The following KIF21B variants were observed in gnomAD, a reference collection of about 807,000 sequenced individuals.
KIF21B encodes the protein kinesin family member 21B.
In KIF21B, 85 loss-of-function variants were observed where a neutral mutation model predicts 192.9. The ratio of observed to expected loss-of-function variants is 0.44; its 90% CI spans 0.37 to 0.53. The LOEUF (loss-of-function observed/expected upper bound fraction) is 0.53. Ranked by LOEUF, KIF21B falls within the 20% of genes least tolerant of loss-of-function variation. KIF21B has a pLI of 0.00. For missense variants in KIF21B, 1,716 were observed against 2,194.8 expected (o/e 0.78, Z 4.36); for synonymous variants, 832 against 884.6 (o/e 0.94, Z 1.05).
intron 29 of KIF21B, 103 bp downstream of exon 29, chr1:200,980,857 T>G (rs1335987229): frequency 1.4e-6 from 2 of 1,437,208 alleles, no homozygotes; most frequent in African/African-American, 2.9e-5. Flanking sequence ...CCTCAACTCC[T>G]GGGGGCTCTA....
intron 1 of KIF21B, among the ~76,000 whole-genome samples, chr1:201,021,284 C>T (rs564292669): frequency 2.8e-4 from 43 of 152,364 alleles, no homozygotes; most frequent in South Asian, 1.4e-3. Flanking sequence ...TGTACACGGC[C>T]GGCTGCCCAT....
intron 30 of KIF21B, among the ~76,000 whole-genome samples, chr1:200,977,974 T>C (rs1175720261): frequency 6.6e-6 from 1 of 151,994 alleles, no homozygotes; most frequent in Non-Finnish European, 1.5e-5. Flanking sequence ...CCTCAGGTGA[T>C]TTGCCTGCCT....
intron 29 of KIF21B, 55 bp from the exon 30 acceptor site, chr1:200,979,770 G>T: frequency 7.0e-7 from 1 of 1,432,998 alleles, no homozygotes; most frequent in Non-Finnish European, 9.3e-7. Flanking sequence ...CCACTAGGGG[G>T]CGCAGCTCCA....
chr1:200,998,595 C>G lies in KIF21B; in HGVS notation c.1886-20G>C. On this transcript the variant is annotated intron_variant, in intron 13 of 34. Coordinates refer to ENST00000461742, the MANE Select transcript of KIF21B (RefSeq NM_001252102.2). The surrounding 1 kb of genome is among the most constrained non-coding windows in gnomAD (Gnocchi z 4.3). ...TCACCTCTATGGGGGCACAATCAGG[C>G]TCAGCCCAGCGTTAGGGCGAGGGGC... 6.2e-7 allele frequency: 1 copy of G among 1,609,632 alleles called. No homozygotes were observed. The highest frequency in any genetic ancestry group is 8.5e-7 in the Non-Finnish European group (1 of 1,177,422).
intron 3 of KIF21B, 146 bp downstream of exon 3, chr1:201,008,623 G>A (rs908368789): frequency 1.3e-6 from 1 of 787,950 alleles, no homozygotes. Context: ...CCCTTGCTTG[G>A]ATTCTTTCAA....
rs772429531 is a variant in KIF21B at position 201,008,847 on chromosome 1, G to A, written c.369C>T (p.Gly123=). 13 of 1,610,012 alleles carry A rather than the reference G, an allele frequency of 8.1e-6. 1 individual carries two copies. The South Asian group carries it at 1.4e-4, about 18-fold the overall frequency. The change falls in exon 3 of 35, where the codon GGC becomes GGT. Residue 123 remains glycine (G), a synonymous_variant. Transcript: ENST00000461742. The stretch of plus-strand genomic sequence containing the variant: ...GTGCCCGGCGCTTGCGCTCGGCAAT[G>A]CCCCCAAAGAGGTGTGCGATGGCCC... ...IPRAIAHLFG[G]IAERKRRAQE... is the part of the protein sequence containing the mutation.
intron 34 of KIF21B, chr1:200,974,071 G>A (rs1365742616): frequency 1.9e-6 from 3 of 1,610,458 alleles, no homozygotes; most frequent in Non-Finnish European, 2.5e-6. Context: ...GAATGAAAGA[G>A]GAGACAGGGA....
At chr1:200,994,164 G>T (rs899510256) in intron 15 of KIF21B, among the ~76,000 whole-genome samples, 2 of 152,232 alleles carry the variant, frequency 1.3e-5, no homozygotes, top group African/African-American at 4.8e-5. Context: ...AGAGGCAAAG[G>T]TCTCAGAACA....
At chr1:200,992,093 G>T (rs576891738) in intron 16 of KIF21B, among the ~76,000 whole-genome samples, 189 bp downstream of exon 16, 1 of 152,212 alleles carries the variant, frequency 6.6e-6, no homozygotes, top group Non-Finnish European at 1.5e-5. Flanking sequence ...CTTAACATGT[G>T]GGGGCTGGAC....
intron 28 of KIF21B, among the ~76,000 whole-genome samples, chr1:200,981,572 G>A (rs1394734496): frequency 6.6e-6 from 1 of 152,188 alleles, no homozygotes; most frequent in Non-Finnish European, 1.5e-5. Context: ...GGTTGCTCAG[G>A]CCATCACCCC....
At chr1:200,987,294 CAG>C in intron 24 of KIF21B, 93 bp from the exon 25 acceptor site, 4 of 1,145,630 alleles carry the variant, frequency 3.5e-6, no homozygotes, top group Non-Finnish European at 3.7e-6. Flanking sequence ...TTTTTTGAGA[CAG>C]TGGTGCAAAC....
rs1553239614 is a variant in KIF21B, at chr1:200,993,779, A to AAG, written c.2278-1392_2278-1391dup. On this transcript the variant is annotated intron_variant, in intron 15 of 34. Coordinates refer to ENST00000461742, the MANE Select transcript of KIF21B (RefSeq NM_001252102.2). ...ACAAAACAAAACAAAAAAAAAAAAAAAGAGAGAGAAAGAAAAACGAAATGG... is the reference window on the plus strand; with the variant it reads ...ACAAAACAAAACAAAAAAAAAAAAAAAGAGAGAGAGAAAGAAAAACGAAATGG... 4.7e-5 allele frequency among the ~76,000 whole-genome samples: 7 copies of AAG among 149,264 alleles called. No homozygotes were observed. In the East Asian group the frequency reaches 6.0e-4, roughly 13 times the overall value.
In KIF21B at chr1:200,999,361, G is replaced by C. The variant is rs1264325176; in HGVS notation, c.1873C>G (p.Pro625Ala). Residue 625 changes from proline to alanine, a missense_variant, in exon 13 of 35, where the codon CCC (proline) becomes GCC (alanine). Pro to Ala is a conservative substitution (Grantham distance 27). Around this residue, in one of 3 missense-constraint regions of KIF21B, gnomAD observed 1,087 missense variants for 1,316.6 expected, o/e 0.83. Transcript: ENST00000461742. The surrounding 1 kb of genome is among the most constrained non-coding windows in gnomAD (Gnocchi z 4.7). ...CAGGCCCACGCACCCTTCTCCTCGGGGTCTGAGTCTGAGTCCACCAGGCTC... is the reference window on the plus strand; with the variant it reads ...CAGGCCCACGCACCCTTCTCCTCGGCGTCTGAGTCTGAGTCCACCAGGCTC... ...EESLVDSDSD[P>A]EEKEVNFQAD... 1 of 1,613,998 alleles carries C rather than the reference G, an allele frequency of 6.2e-7. No homozygotes were observed. Among genetic ancestry groups the C allele is most frequent in the South Asian group, 1.1e-5 (1 of 91,070 alleles).
chr1:200,983,130 G>T, intron 27 of KIF21B, 36 bp from the exon 28 acceptor site: 1 of 1,526,268 alleles, frequency 6.6e-7, no homozygotes, highest in Non-Finnish European at 8.8e-7. Flanking sequence ...ATTAGGGGGT[G>T]AGAGGAGACA....
chr1:200,995,496 C>T (rs902100538), intron 15 of KIF21B, among the ~76,000 whole-genome samples: 1 of 152,360 alleles, frequency 6.6e-6, no homozygotes, highest in South Asian at 2.1e-4. Flanking sequence ...GACTTGAGCC[C>T]TGAAGTCAGA....
chr1:201,022,542 G>A (rs1658902956), intron 1 of KIF21B, among the ~76,000 whole-genome samples: 1 of 152,156 alleles, frequency 6.6e-6, no homozygotes, highest in Admixed American at 6.5e-5. Context: ...GCACCTTTGT[G>A]TACCCCTCCC....
intron 21 of KIF21B, 150 bp from the exon 22 acceptor site, chr1:200,989,081 C>A (rs1292068137): frequency 2.6e-6 from 2 of 764,270 alleles, no homozygotes; most frequent in East Asian, 5.4e-5. Flanking sequence ...GAGAGCACCG[C>A]CAGCCCCCTT....
At chr1:200,980,924 C>A (rs942335198) in intron 29 of KIF21B, 36 bp downstream of exon 29, 2 of 1,602,474 alleles carry the variant, frequency 1.2e-6, no homozygotes, top group Non-Finnish European at 1.7e-6. Flanking sequence ...GAGTAGGAGA[C>A]CCCAACCCTA....
intron 30 of KIF21B, 103 bp from the exon 31 acceptor site, chr1:200,977,479 T>G: frequency 1.5e-6 from 2 of 1,361,392 alleles, no homozygotes; most frequent in Middle Eastern, 1.9e-4. Flanking sequence ...AACCTACTTC[T>G]TCCAGGAAGT....
Sources: allele counts gnomAD v4.1 joint callset (sites outside exome capture counted in the v4.1 genomes callset), GRCh38; gene constraint gnomAD v4.1.1; regional missense constraint gnomAD v4.1.1; non-coding constraint Gnocchi (gnomAD v3.1); transcripts MANE v1.5; gene names NCBI Gene and HGNC (gene_info 2026-07-23, HGNC 2026-07-21).